CHST9: variants seen among roughly 807,000 people sequenced by gnomAD.
The protein encoded by CHST9 is GalNAc-4-sulfotransferase 2.
In CHST9, 41 loss-of-function variants were observed where a neutral mutation model predicts 44.4. That is an observed-to-expected ratio of 0.92 (90% CI 0.72 to 1.20). CHST9 has a LOEUF of 1.20. CHST9 is among the 50% of genes most tolerant of loss of function. CHST9 has a pLI of 0.00. For missense variants in CHST9, 504 were observed against 516.5 expected, an observed-to-expected ratio of 0.98 and a Z score of 0.23; for synonymous variants, 171 against 178.4, an observed-to-expected ratio of 0.96 and a Z score of 0.33.
intron 5 of CHST9, among the ~76,000 whole-genome samples, chr18:26,929,766 G>T (rs562536951): frequency 4.6e-5 from 7 of 152,286 alleles, no homozygotes; most frequent in South Asian, 2.1e-4. Context: ...GAGAGAGAGA[G>T]AGAGATGAAG....
intron 2 of CHST9, among the ~76,000 whole-genome samples, chr18:27,069,437 T>C (rs1406892923): frequency 1.3e-5 from 2 of 152,118 alleles, no homozygotes; most frequent in Non-Finnish European, 2.9e-5. Flanking sequence ...GTCCTCAACA[T>C]GAAAAAGTGA....
At chr18:26,958,748 A>C (rs1323846355) in intron 4 of CHST9, among the ~76,000 whole-genome samples, 2 of 152,234 alleles carry the variant, frequency 1.3e-5, no homozygotes, top group Non-Finnish European at 2.9e-5. Flanking sequence ...TATCAGAGAA[A>C]TGCATATCAA....
intron 2 of CHST9, among the ~76,000 whole-genome samples, chr18:27,074,894 A>G (rs2057884733): frequency 6.8e-6 from 1 of 148,146 alleles, no homozygotes; most frequent in Non-Finnish European, 1.5e-5. Context: ...TAATATATAA[A>G]TTTTATATTT....
intron 1 of CHST9, among the ~76,000 whole-genome samples, chr18:27,173,255 A>G (rs952976454): frequency 6.6e-6 from 1 of 152,056 alleles, no homozygotes; most frequent in Non-Finnish European, 1.5e-5. Context: ...CTTCTAATAT[A>G]TTAGCACTAA....
At chr18:26,987,007 A>T (rs142997657) in intron 4 of CHST9, among the ~76,000 whole-genome samples, 2 of 152,190 alleles carry the variant, frequency 1.3e-5, no homozygotes, top group Non-Finnish European at 2.9e-5. Context: ...ATGTGAGTAA[A>T]TGCTGTGGTT....
At chr18:27,068,618 A>G (rs1408991990) in intron 2 of CHST9, among the ~76,000 whole-genome samples, 1 of 152,136 alleles carries the variant, frequency 6.6e-6, no homozygotes, top group Non-Finnish European at 1.5e-5. Context: ...ACCATTTATT[A>G]TTTTAACTTA....
intron 2 of CHST9, among the ~76,000 whole-genome samples, chr18:27,104,056 T>G (rs8097772): frequency 0.35 from 52,813 of 152,002 alleles, 9,565 homozygotes; most frequent in East Asian, 0.51. Context: ...TAAAATCTTC[T>G]ATCATACTTT....
rs1568151260 is a variant in CHST9 at position 27,053,271 on chromosome 18, AAGGAGAAGG to A, written c.122-4777_122-4769del. 3.5e-4 allele frequency among the ~76,000 whole-genome samples: 43 copies of A among 121,598 alleles called. 1 individual carries two copies. Among genetic ancestry groups the A allele is most frequent in the African/African-American group, 1.2e-3 (39 of 31,812 alleles). 79.8% of individuals were successfully genotyped at this position (121,598 alleles called of 152,430 possible). On this transcript the variant is annotated intron_variant, in intron 2 of 5. Transcript: ENST00000618847. The stretch of plus-strand genomic sequence containing the variant: ...GAAGAAGAAGAAGAAGGAGAAGGAG[AAGGAGAAGG>A]AGAAGGAGAAGGAGAAGGAGAAGGA...
intron 4 of CHST9, among the ~76,000 whole-genome samples, chr18:27,022,011 A>G (rs1355146460): frequency 6.6e-6 from 1 of 152,184 alleles, no homozygotes; most frequent in Non-Finnish European, 1.5e-5. Context: ...ACAAGAGCTC[A>G]GTGAGGTCAC....
intron 4 of CHST9, among the ~76,000 whole-genome samples, chr18:27,015,720 C>G (rs903548799): frequency 6.6e-6 from 1 of 152,142 alleles, no homozygotes; most frequent in Non-Finnish European, 1.5e-5. Flanking sequence ...GGTTTCAGGC[C>G]TTCTTTTCCT....
intron 1 of CHST9, among the ~76,000 whole-genome samples, chr18:27,166,758 T>C (rs1226566692): frequency 6.6e-6 from 1 of 152,208 alleles, no homozygotes; most frequent in African/African-American, 2.4e-5. Flanking sequence ...AGGGCTTTTT[T>C]CTTTTTCAGA....
chr18:26,918,843 C>T (rs163064), intron 5 of CHST9, among the ~76,000 whole-genome samples: 130,222 of 151,856 alleles, frequency 0.86, 56,073 homozygotes, highest in African/African-American at 0.93. Flanking sequence ...CCAACGTGTA[C>T]AGCCCCGTGT....
At chr18:26,951,561 GTTT>G (rs57277860) in intron 4 of CHST9, among the ~76,000 whole-genome samples, 1 of 150,790 alleles carries the variant, frequency 6.6e-6, no homozygotes, top group Non-Finnish European at 1.5e-5. Context: ...AAGTCTTTTT[GTTT>G]TTTTTTTGGT....
chr18:27,090,410 G>C (rs1176287537), intron 2 of CHST9, among the ~76,000 whole-genome samples: 4 of 152,144 alleles, frequency 2.6e-5, no homozygotes, highest in Non-Finnish European at 5.9e-5. Context: ...TGTTCACTCT[G>C]ATGGTAGTTT....
At chr18:27,047,735 G>A (rs1031797752) in intron 3 of CHST9, among the ~76,000 whole-genome samples, 1 of 152,046 alleles carries the variant, frequency 6.6e-6, no homozygotes, top group Non-Finnish European at 1.5e-5. Context: ...AGAAACTTGG[G>A]AAGGATGGCG....
chr18:27,150,486 C>T (rs2143895866), intron 1 of CHST9, among the ~76,000 whole-genome samples: 1 of 152,310 alleles, frequency 6.6e-6, no homozygotes, highest in South Asian at 2.1e-4. Context: ...CCAGCTCTTA[C>T]TTAGGAGTTA....
intron 3 of CHST9, among the ~76,000 whole-genome samples, chr18:27,043,462 C>T (rs1408802575): frequency 2.0e-5 from 3 of 152,026 alleles, no homozygotes; most frequent in Non-Finnish European, 4.4e-5. Context: ...GTATTCCCTA[C>T]ACAGGTTGCA....
At chr18:26,956,364 A>G (rs2056325011) in intron 4 of CHST9, among the ~76,000 whole-genome samples, 1 of 146,722 alleles carries the variant, frequency 6.8e-6, no homozygotes, top group South Asian at 2.1e-4. Flanking sequence ...ATTATATCAT[A>G]TATACAAATA....
chr18:27,157,512 G>A (rs1256568597), intron 1 of CHST9, among the ~76,000 whole-genome samples: 1 of 152,096 alleles, frequency 6.6e-6, no homozygotes, highest in Admixed American at 6.6e-5. Flanking sequence ...CCATTTAATA[G>A]AGAAATAGCA....
Sources: gnomAD v4.1 joint callset for allele counts (sites outside exome capture counted in the v4.1 genomes callset) on GRCh38, gnomAD v4.1.1 for gene constraint, MANE v1.5 for transcripts, NCBI Gene and HGNC (gene_info 2026-07-23, HGNC 2026-07-21) for gene names.